The following GABRG3 variants were observed in gnomAD, a reference collection of about 807,000 sequenced individuals.
GABRG3 encodes the protein gamma-aminobutyric acid type A receptor subunit gamma3.
GABRG3 carries 25 observed loss-of-function variants against 48.8 expected under a neutral mutation model. That is an observed-to-expected ratio of 0.51 (90% CI 0.37 to 0.72). The LOEUF is 0.72. Among genes scored for constraint, GABRG3 ranks in the 30% least tolerant of loss-of-function variants. The pLI, the probability that GABRG3 is intolerant of heterozygous loss-of-function variation, is 0.00. For missense variants in GABRG3, 394 were observed against 577.9 expected (o/e 0.68, Z 3.26); for synonymous variants, 227 against 217.6 (o/e 1.04, Z -0.38).
chr15:27,541,578 T>C lies in GABRG3; in HGVS notation c.*8697T>C, dbSNP rs1891661470. 6.6e-6 allele frequency: 1 copy of C among 152,300 alleles called. No individual in the cohort carries two copies. Among genetic ancestry groups the C allele is most frequent in the Admixed American group, 6.5e-5 (1 of 15,296 alleles). The allele number at this position is 152,300 out of a possible 1,614,324, so 9.4% of individuals were successfully genotyped here. ...TTGGAATCATCTTAGAGCACCGGTGTGGATGCGCTTGGCCCCGAGGGGGCC... is the reference window on the plus strand; with the variant it reads ...TTGGAATCATCTTAGAGCACCGGTGCGGATGCGCTTGGCCCCGAGGGGGCC... On this transcript the variant is annotated 3_prime_UTR_variant, in exon 10 of 10. Coordinates refer to ENST00000615808, the MANE Select transcript of GABRG3 (RefSeq NM_033223.5).
At chr15:27,351,678 TTGTG>T (rs1894607626) in intron 5 of GABRG3, among the ~76,000 whole-genome samples, 1 of 148,160 alleles carries the variant, frequency 6.7e-6, no homozygotes, top group African/African-American at 2.5e-5. Flanking sequence ...TTGTGTGTGT[TTGTG>T]TGTATGGTCT....
chr15:27,074,488 G>C (rs1460436190), intron 3 of GABRG3, among the ~76,000 whole-genome samples: 1 of 151,764 alleles, frequency 6.6e-6, no homozygotes, highest in African/African-American at 2.4e-5. Flanking sequence ...GCTTGGCTTG[G>C]CTGGGCCCTG....
intron 3 of GABRG3, among the ~76,000 whole-genome samples, chr15:27,201,291 C>T (rs890744048): frequency 6.6e-6 from 1 of 150,802 alleles, no homozygotes; most frequent in East Asian, 2.0e-4. Flanking sequence ...GAGGTGAACA[C>T]AGGGAGGTTG....
intron 5 of GABRG3, among the ~76,000 whole-genome samples, chr15:27,391,248 A>G (rs1887120913): frequency 6.6e-6 from 1 of 152,200 alleles, no homozygotes; most frequent in Admixed American, 6.5e-5. Context: ...CTTGTAAAGC[A>G]ATATGCTGTT....
chr15:27,496,463 G>A (rs1211288260), intron 6 of GABRG3, among the ~76,000 whole-genome samples: 2 of 152,166 alleles, frequency 1.3e-5, no homozygotes, highest in Admixed American at 6.5e-5. Context: ...GTACTTGTTG[G>A]TGCTTCCAGG....
At chr15:27,369,569 A>G (rs1429330354) in intron 5 of GABRG3, among the ~76,000 whole-genome samples, 4 of 151,986 alleles carry the variant, frequency 2.6e-5, no homozygotes, top group African/African-American at 4.8e-5. Flanking sequence ...TCTAATCCCA[A>G]CACTTTGGGA....
At chr15:27,184,513 A>G (rs1270449420) in intron 3 of GABRG3, among the ~76,000 whole-genome samples, 2 of 152,172 alleles carry the variant, frequency 1.3e-5, no homozygotes, top group Admixed American at 6.5e-5. Flanking sequence ...AGATATAGTT[A>G]TTGGTCTCAT....
chr15:27,442,963 A>T (rs560765427), intron 5 of GABRG3, among the ~76,000 whole-genome samples: 19 of 152,298 alleles, frequency 1.2e-4, no homozygotes, highest in African/African-American at 4.6e-4. Context: ...AGGGCCCTTT[A>T]TGGCACCAGA....
chr15:27,406,881 T>C (rs1887651228), intron 5 of GABRG3, among the ~76,000 whole-genome samples: 2 of 152,190 alleles, frequency 1.3e-5, no homozygotes, highest in African/African-American at 4.8e-5. Context: ...TTTGAAACTT[T>C]TCTGTAAATC....
chr15:27,509,587 G>A (rs6497216), intron 6 of GABRG3, among the ~76,000 whole-genome samples: 1 of 152,044 alleles, frequency 6.6e-6, no homozygotes, highest in South Asian at 2.1e-4. Flanking sequence ...CTATAGTAAA[G>A]CTCACTGGGT....
intron 3 of GABRG3, among the ~76,000 whole-genome samples, chr15:27,085,504 A>G (rs1183534141): frequency 6.6e-6 from 1 of 152,206 alleles, no homozygotes; most frequent in East Asian, 1.9e-4. Context: ...CTATGCACTT[A>G]TATTTGTATA....
chr15:27,292,026 G>C (rs1891809784), intron 3 of GABRG3, among the ~76,000 whole-genome samples: 1 of 152,194 alleles, frequency 6.6e-6, no homozygotes, highest in Non-Finnish European at 1.5e-5. Flanking sequence ...TTATGAGTGA[G>C]AACATGTGGT....
intron 5 of GABRG3, among the ~76,000 whole-genome samples, chr15:27,414,577 G>C (rs1480514586): frequency 1.3e-5 from 2 of 152,156 alleles, no homozygotes; most frequent in African/African-American, 4.8e-5. Context: ...ACTAGGGAGG[G>C]CTTGGTACTG....
At chr15:26,989,490 G>C (rs1457384659) in intron 2 of GABRG3, among the ~76,000 whole-genome samples, 1 of 151,966 alleles carries the variant, frequency 6.6e-6, no homozygotes, top group Non-Finnish European at 1.5e-5. Context: ...CTTTTTTATT[G>C]TTAACTTTTG....
chr15:27,036,705 ACTAATAATGC>A (rs1434944226), intron 3 of GABRG3, among the ~76,000 whole-genome samples: 1 of 152,002 alleles, frequency 6.6e-6, no homozygotes, highest in Admixed American at 6.6e-5. Flanking sequence ...TAATAATAAT[ACTAATAATGC>A]TGTACACTGA....
At chr15:27,016,880 G>A (rs1895788335) in intron 2 of GABRG3, among the ~76,000 whole-genome samples, 2 of 152,028 alleles carry the variant, frequency 1.3e-5, no homozygotes, top group South Asian at 4.1e-4. Context: ...CTGCTATTGA[G>A]TAGTTCTCGT....
rs370983171 is a variant in GABRG3, at chr15:27,336,310, GAAGAA to G, written c.574+7429_574+7433del. ...AGAGAGAAAAGAAGAAGGAGAAGGAGAAGAAAAGAAAGAAGATGAAGAAAAAGGAA... is the reference window on the plus strand; with the variant it reads ...AGAGAGAAAAGAAGAAGGAGAAGGAGAAGAAAGAAGATGAAGAAAAAGGAA... On this transcript the variant is annotated intron_variant, in intron 5 of 9. Transcript: ENST00000615808. Among the ~76,000 whole-genome samples, 101 of 150,824 alleles carry G rather than the reference GAAGAA, an allele frequency of 6.7e-4. 1 individual carries two copies. Among genetic ancestry groups the G allele is most frequent in the African/African-American group, 2.4e-3 (98 of 40,850 alleles).
intron 2 of GABRG3, among the ~76,000 whole-genome samples, chr15:27,020,593 A>G (rs534654603): frequency 3.5e-5 from 5 of 144,610 alleles, no homozygotes; most frequent in African/African-American, 5.2e-5. Context: ...TTTTTTTTGT[A>G]TTTTTAGCAG....
intron 3 of GABRG3, among the ~76,000 whole-genome samples, chr15:27,149,274 AAATT>A (rs1428054190): frequency 2.0e-5 from 3 of 152,176 alleles, no homozygotes; most frequent in Non-Finnish European, 4.4e-5. Flanking sequence ...ATTCAGGAAT[AAATT>A]TAACAAAATA....
Sources: allele counts gnomAD v4.1 joint callset (sites outside exome capture counted in the v4.1 genomes callset), GRCh38; gene constraint gnomAD v4.1.1; transcripts MANE v1.5; gene names NCBI Gene and HGNC (gene_info 2026-07-23, HGNC 2026-07-21).